MGST2: variants seen among roughly 807,000 people sequenced by gnomAD.
MGST2 encodes glutathione peroxidase MGST2.
A neutral mutation model predicts 16.6 loss-of-function variants in MGST2; 9 were observed. The observed-to-expected ratio is 0.54, with a 90% CI of 0.33 to 0.95. MGST2 has a LOEUF of 0.95. Among genes scored for constraint, MGST2 ranks in the 40% least tolerant of loss-of-function variants. MGST2 has a pLI of 0.03. For missense variants in MGST2, 159 were observed against 175.1 expected (o/e 0.91, Z 0.52); for synonymous variants, 79 against 68.0 (o/e 1.16, Z -0.79).
chr4:139,674,309 A>G (rs1298608432), intron 1 of MGST2, among the ~76,000 whole-genome samples: 1 of 152,206 alleles, frequency 6.6e-6, no homozygotes, highest in African/African-American at 2.4e-5. Flanking sequence ...ATAGGTAGAT[A>G]GGAGACATTC....
intron 5 of MGST2, among the ~76,000 whole-genome samples, chr4:139,721,355 G>A (rs369083913): frequency 6.6e-6 from 1 of 152,090 alleles, no homozygotes; most frequent in Non-Finnish European, 1.5e-5. Flanking sequence ...ACACAAAAAC[G>A]GATTTTTCTA....
chr4:139,730,326 T>G, intron 5 of MGST2: 1 of 1,132,130 alleles, frequency 8.8e-7, no homozygotes, highest in Non-Finnish European at 1.3e-6. Flanking sequence ...TGATGGAGGA[T>G]GTGAACTGCC....
chr4:139,700,513 G>T (rs1458448782), intron 3 of MGST2, among the ~76,000 whole-genome samples: 1 of 152,162 alleles, frequency 6.6e-6, no homozygotes, highest in Non-Finnish European at 1.5e-5. Context: ...ATGAGGGAGG[G>T]TCTATAATTA....
chr4:139,709,479 A>T (rs796321949), intron 5 of MGST2, among the ~76,000 whole-genome samples: 8 of 152,286 alleles, frequency 5.3e-5, no homozygotes, highest in African/African-American at 1.7e-4. Flanking sequence ...GTGGCTAGAG[A>T]AGAGAATGCC....
chr4:139,705,824 C>G (rs1198602511), downstream of MGST2: 1 of 152,076 alleles, frequency 6.6e-6, no homozygotes, highest in East Asian at 1.9e-4. Context: ...TACAGCGGAA[C>G]CCCCAAAGCT....
chr4:139,700,217 C>T (rs1468948171), intron 3 of MGST2, among the ~76,000 whole-genome samples: 5 of 149,266 alleles, frequency 3.3e-5, no homozygotes, highest in African/African-American at 9.9e-5. Flanking sequence ...CTGCAAGCTC[C>T]GCCTCCCGGG....
At chr4:139,719,405 G>T in intron 5 of MGST2, 1 of 1,614,006 alleles carries the variant, frequency 6.2e-7, no homozygotes, top group Non-Finnish European at 8.5e-7. Context: ...CACAAGGTCT[G>T]CACCGTCCGG....
intron 3 of MGST2, among the ~76,000 whole-genome samples, chr4:139,696,583 C>T (rs1030293261): frequency 2.6e-5 from 4 of 152,138 alleles, no homozygotes; most frequent in African/African-American, 9.7e-5. Flanking sequence ...TGAATTTCTC[C>T]AAGATTCATA....
At chr4:139,726,557 G>A (rs569967711) in intron 5 of MGST2, among the ~76,000 whole-genome samples, 462 of 152,126 alleles carry the variant, frequency 3.0e-3, no homozygotes, top group African/African-American at 0.011. Context: ...AAAGGGACAA[G>A]CAACTGCTTT....
intron 5 of MGST2, among the ~76,000 whole-genome samples, chr4:139,720,556 C>T (rs1288121092): frequency 6.6e-6 from 1 of 152,156 alleles, no homozygotes; most frequent in Non-Finnish European, 1.5e-5. Flanking sequence ...CCTGAAATCC[C>T]ACTATCCAGA....
intron 1 of MGST2, among the ~76,000 whole-genome samples, chr4:139,668,746 A>G (rs376914439): frequency 6.6e-6 from 1 of 152,016 alleles, no homozygotes. Context: ...AGGCTGGGGT[A>G]TGTACAGGTA....
intron 3 of MGST2, among the ~76,000 whole-genome samples, chr4:139,695,926 A>C (rs2646074): frequency 0.39 from 58,839 of 151,688 alleles, 15,521 homozygotes; most frequent in African/African-American, 0.74. Flanking sequence ...TAACTTGATA[A>C]CCCAAAACTT....
downstream of MGST2, among the ~76,000 whole-genome samples, chr4:139,742,954 T>C (rs1729213062): frequency 6.6e-6 from 1 of 152,184 alleles, no homozygotes; most frequent in Non-Finnish European, 1.5e-5. Context: ...AGCACCAGTT[T>C]CCTAATTTCT....
At chr4:139,724,611 T>C (rs145880078) in intron 5 of MGST2, among the ~76,000 whole-genome samples, 1 of 152,280 alleles carries the variant, frequency 6.6e-6, no homozygotes, top group East Asian at 1.9e-4. Flanking sequence ...AGGTAACTTT[T>C]GAGAAGCTAG....
At chr4:139,679,669 A>G (rs540334656) in intron 2 of MGST2, among the ~76,000 whole-genome samples, 78 of 152,262 alleles carry the variant, frequency 5.1e-4, no homozygotes, top group Middle Eastern at 3.4e-3. Flanking sequence ...TTGATTATCC[A>G]CTTGCTCCAA....
downstream of MGST2, among the ~76,000 whole-genome samples, chr4:139,706,371 C>G (rs915363434): frequency 6.6e-6 from 1 of 152,230 alleles, no homozygotes; most frequent in Non-Finnish European, 1.5e-5. Flanking sequence ...TACCCCAGCA[C>G]TTTGTAGCTC....
At chr4:139,717,210 C>T (rs181364701) in intron 5 of MGST2, 1 of 152,632 alleles carries the variant, frequency 6.6e-6, no homozygotes, top group Non-Finnish European at 1.5e-5. Flanking sequence ...ATTAGTTGGT[C>T]CCAGTACTGA....
At chr4:139,703,923 A>G in intron 4 of MGST2, 93 bp from the exon 5 acceptor site, 2 of 1,509,518 alleles carry the variant, frequency 1.3e-6, no homozygotes, top group East Asian at 4.5e-5. Flanking sequence ...GAAGTTCTGG[A>G]CAGTGTTAAC....
chr4:139,744,149 G>A (rs576964706), downstream of MGST2, among the ~76,000 whole-genome samples: 88 of 152,356 alleles, frequency 5.8e-4, 1 homozygote, highest in South Asian at 0.018. Context: ...CTTCTGCTAA[G>A]AGACTTAGAT....
Sources: gnomAD v4.1 joint callset for allele counts (sites outside exome capture counted in the v4.1 genomes callset) on GRCh38, gnomAD v4.1.1 for gene constraint, MANE v1.5 for transcripts, NCBI Gene and HGNC (gene_info 2026-07-23, HGNC 2026-07-21) for gene names.